SPICE1: variants seen among roughly 807,000 people sequenced by gnomAD.
SPICE1 encodes the protein spindle and centriole associated protein 1, also known as spindle and centriole-associated protein 1.
SPICE1 carries 75 observed loss-of-function variants against 102.7 expected under a neutral mutation model. The observed-to-expected ratio is 0.73, with a 90% CI of 0.61 to 0.88. The LOEUF is 0.88. SPICE1 is among the 40% of genes least tolerant of loss of function. SPICE1 has a pLI of 0.00. For synonymous variants in SPICE1, 308 were observed against 350.3 expected, an observed-to-expected ratio of 0.88 and a Z score of 1.35; for missense variants, 979 against 1,020.1, an observed-to-expected ratio of 0.96 and a Z score of 0.55.
At position 113,468,394 on chromosome 3, in the gene SPICE1, T is replaced by C. The variant is rs1936114982; in HGVS notation, c.900A>G (p.Lys300=). ...GCTTGGAAAGAGCATGCAAATTCGGTTTCCTTTTCACTGATAATGAGAGAA... is the reference window on the plus strand; with the variant it reads ...GCTTGGAAAGAGCATGCAAATTCGGCTTCCTTTTCACTGATAATGAGAGAA... ...QKQLLNKVKR[K]PNLHALSKPK... is the part of the protein sequence containing the mutation. The change falls in exon 10 of 18, where the codon AAA becomes AAG. Residue 300 remains lysine, a synonymous_variant. Transcript: ENST00000295872. 1 of 1,613,174 alleles carries C rather than the reference T, an allele frequency of 6.2e-7. No individual in the cohort carries two copies. The highest frequency in any genetic ancestry group is 8.5e-7 in the Non-Finnish European group (1 of 1,179,162).
chr3:113,453,983 T>C, intron 13 of SPICE1, 33 bp from the exon 14 acceptor site: 2 of 1,522,748 alleles, frequency 1.3e-6, no homozygotes, highest in Non-Finnish European at 1.8e-6. Flanking sequence ...AACAAATATG[T>C]ATTATTTTCC....
In SPICE1 at chr3:113,450,524, A is replaced by AG. The variant is rs35030091; in HGVS notation, c.2143-9dup. 5,298 of 1,521,412 alleles carry AG rather than the reference A, an allele frequency of 3.5e-3. 34 individuals carry two copies. In the African/African-American group the frequency reaches 0.038, roughly 11 times the overall value. 94.2% of individuals were successfully genotyped at this position (1,521,412 alleles called of 1,614,324 possible). ...CTGTGCTACTGGAAAAGTCTTTGGG[A>AG]GAAAAAAAAAAAAAGTACAAATTGA... On this transcript the variant is annotated splice_polypyrimidine_tract_variant and intron_variant, in intron 14 of 17. Transcript: ENST00000295872.
intron 4 of SPICE1, among the ~76,000 whole-genome samples, chr3:113,495,219 A>G (rs962508118): frequency 2.0e-5 from 3 of 152,218 alleles, no homozygotes; most frequent in Non-Finnish European, 4.4e-5. Flanking sequence ...ACCAGATGGC[A>G]TTCTCAAGTT....
In SPICE1 at chr3:113,446,611, G is replaced by C. The variant is rs768691448; in HGVS notation, c.2492C>G (p.Thr831Arg). Residue 831 changes from threonine (T) to arginine (R), a missense_variant, in exon 17 of 18, where the codon ACA becomes AGA. Thr to Arg is a moderately conservative substitution (Grantham distance 71). Coordinates refer to ENST00000295872, the MANE Select transcript of SPICE1 (RefSeq NM_144718.4). ...LNATSGSGRF[T>R]PLNPRAKIEK... ...TACCTTTGCTCTTGGATTAAGAGGT[G>C]TGAATCTCCCACTTCCTGAGGTGGC... The C allele has an allele frequency of 1.5e-5, 25 of 1,613,628 alleles. No individual in the cohort carries two copies. The highest frequency in any genetic ancestry group is 2.1e-5 in the Non-Finnish European group (25 of 1,179,700).
At chr3:113,506,396 T>G in intron 2 of SPICE1, 111 bp downstream of exon 2, 1 of 828,280 alleles carries the variant, frequency 1.2e-6, no homozygotes, top group Non-Finnish European at 2.0e-6. Flanking sequence ...TATTCCACCC[T>G]ATTACGTGAT....
Position 113,442,879 on chromosome 3 carries a change from A to C in SPICE1, c.*2428T>G, listed in dbSNP as rs570030677. Reference sequence around the variant, plus strand: ...TTAAATGGTATATCTAGGTGCCAGAAAAGATAGAAAACATAGGGTAAACTT... The same window carrying C: ...TTAAATGGTATATCTAGGTGCCAGACAAGATAGAAAACATAGGGTAAACTT... On this transcript the variant is annotated 3_prime_UTR_variant, in exon 18 of 18. Transcript: ENST00000295872. The C allele has an allele frequency of 4.6e-5, 7 of 152,346 alleles. No individual in the cohort carries two copies. The highest frequency in any genetic ancestry group is 1.7e-4 in the African/African-American group (7 of 41,586). The allele number at this position is 152,346 out of a possible 1,614,324, so 9.4% of individuals were successfully genotyped here.
At chr3:113,497,965 CTCCCAGG>C (rs1452060311) in intron 4 of SPICE1, among the ~76,000 whole-genome samples, 1 of 151,916 alleles carries the variant, frequency 6.6e-6, no homozygotes, top group East Asian at 1.9e-4. Flanking sequence ...CAACCTCCGC[CTCCCAGG>C]TTCAAGCAAT....
chr3:113,473,543 C>T (rs552468470), intron 7 of SPICE1, among the ~76,000 whole-genome samples: 7 of 152,230 alleles, frequency 4.6e-5, no homozygotes, highest in African/African-American at 1.4e-4. Context: ...AGAGAAAGGT[C>T]GGGTTACTGA....
intron 7 of SPICE1, among the ~76,000 whole-genome samples, chr3:113,488,600 G>C (rs112403024): frequency 6.6e-6 from 1 of 152,174 alleles, no homozygotes. Context: ...AGACTCAGAA[G>C]GGGGAGGGCG....
intron 4 of SPICE1, 98 bp downstream of exon 4, chr3:113,499,341 T>C (rs1936962783): frequency 7.7e-7 from 1 of 1,300,778 alleles, no homozygotes; most frequent in African/African-American, 1.5e-5. Context: ...AATGCAGTGA[T>C]TACTAGAGTC....
At chr3:113,462,540 T>C (rs186709179) in intron 11 of SPICE1, among the ~76,000 whole-genome samples, 3 of 152,222 alleles carry the variant, frequency 2.0e-5, no homozygotes, top group Non-Finnish European at 4.4e-5. Context: ...GAAATAAGAA[T>C]GATTGTGTCC....
chr3:113,496,273 C>T (rs1007936564), intron 4 of SPICE1, among the ~76,000 whole-genome samples: 2 of 151,822 alleles, frequency 1.3e-5, no homozygotes, highest in African/African-American at 4.8e-5. Context: ...TTTATAACTC[C>T]TCTCATAAAG....
At chr3:113,473,631 T>A (rs1442009800) in intron 7 of SPICE1, among the ~76,000 whole-genome samples, 1 of 151,982 alleles carries the variant, frequency 6.6e-6, no homozygotes, top group Non-Finnish European at 1.5e-5. Flanking sequence ...GGGCCAATAT[T>A]CAACATTCTT....
rs986865692 is a variant in SPICE1 at position 113,442,912 on chromosome 3, A to G, written c.*2395T>C. 6.6e-6 allele frequency: 1 copy of G among 152,208 alleles called. No homozygotes were observed. The highest frequency in any genetic ancestry group is 2.4e-5 in the African/African-American group (1 of 41,458). 9.4% of individuals were successfully genotyped at this position (152,208 alleles called of 1,614,324 possible). A position where few individuals can be genotyped will look rare whatever the true frequency, so the allele number is the denominator to read the frequency against. ...AAAACATAGGGTAAACTTATTTTTA[A>G]ATAGCATGTTATTTATATTTTCAAA... On this transcript the variant is annotated 3_prime_UTR_variant, in exon 18 of 18. Coordinates refer to ENST00000295872, the MANE Select transcript of SPICE1 (RefSeq NM_144718.4).
At position 113,468,316 on chromosome 3, in the gene SPICE1, C is replaced by T. The variant is rs752531271; in HGVS notation, c.978G>A (p.Arg326=). 3 of 1,614,092 alleles carry T rather than the reference C, an allele frequency of 1.9e-6. No individual in the cohort carries two copies. The South Asian group carries it at 3.3e-5, about 18-fold the overall frequency. The change falls in exon 10 of 18, where the codon AGG becomes AGA. Residue 326 remains arginine (R), a synonymous_variant. Transcript: ENST00000295872. ...TGAGGACATCCAGGTTGGAATTAGTCCTATTTGGTAAGTCTGCAGAGGTTG... is the reference window on the plus strand; with the variant it reads ...TGAGGACATCCAGGTTGGAATTAGTTCTATTTGGTAAGTCTGCAGAGGTTG... The part of the protein sequence containing the change: ...GSTTSADLPN[R]TNSNLDVLKH...
In SPICE1 at chr3:113,499,531, CCCAGTGTACTA is replaced by C. The variant is rs1936967318; in HGVS notation, c.188_198del (p.Leu63Ter). ...CTCTTCAAAGCTTTTTCTTGGAGTT[CCCAGTGTACTA>C]ATGCTCTATTCTTCGATTTGTGTAT... On this transcript the variant is annotated frameshift_variant, in exon 4 of 18. Coordinates refer to ENST00000295872, the MANE Select transcript of SPICE1 (RefSeq NM_144718.4). LOFTEE classifies it high-confidence loss of function. 3.7e-6 allele frequency: 6 copies of C among 1,613,008 alleles called. No individual in the cohort carries two copies. Among genetic ancestry groups the C allele is most frequent in the Non-Finnish European group, 4.2e-6 (5 of 1,179,726 alleles).
intron 7 of SPICE1, among the ~76,000 whole-genome samples, chr3:113,474,008 C>A (rs966489242): frequency 6.6e-6 from 1 of 152,110 alleles, no homozygotes; most frequent in Non-Finnish European, 1.5e-5. Flanking sequence ...GATAAAGAGT[C>A]AAGACCCATC....
rs750357102 is a variant in SPICE1 at position 113,468,813 on chromosome 3, C to G, written c.838G>C (p.Val280Leu). Residue 280 changes from valine to leucine, a missense_variant, in exon 9 of 18, where the codon GTT (valine) becomes CTT (leucine). Transcript: ENST00000295872. ...ESTETLDSSY[V>L]VGHVLNSRKQ... is the part of the protein sequence containing the mutation. ...CTTGAGTTCAGCACGTGTCCCACAA[C>G]GTAGCTTGAGTCTAGAGTCTCAGTA... 7.4e-6 allele frequency: 12 copies of G among 1,614,008 alleles called. No homozygotes were observed. The Admixed American group carries it at 1.3e-4, about 18-fold the overall frequency.
intron 14 of SPICE1, among the ~76,000 whole-genome samples, chr3:113,451,285 C>A (rs1040394229): frequency 6.6e-6 from 1 of 152,060 alleles, no homozygotes. Flanking sequence ...TAAAAAATAG[C>A]CGCCCAAAAA....
Sources: gnomAD v4.1 joint callset for allele counts (sites outside exome capture counted in the v4.1 genomes callset) on GRCh38, gnomAD v4.1.1 for gene constraint, MANE v1.5 for transcripts, NCBI Gene and HGNC (gene_info 2026-07-23, HGNC 2026-07-21) for gene names.